The following SLC1A1 variants were observed in gnomAD, a reference collection of about 807,000 sequenced individuals.
SLC1A1 encodes excitatory amino acid transporter 3.
SLC1A1 carries 43 observed loss-of-function variants against 53.3 expected under a neutral mutation model. The ratio of observed to expected loss-of-function variants is 0.81; its 90% CI spans 0.63 to 1.04. The LOEUF (loss-of-function observed/expected upper bound fraction) is 1.04. SLC1A1 is among the 50% of genes least tolerant of loss of function. SLC1A1 has a pLI of 0.00. For synonymous variants in SLC1A1, 307 were observed against 243.2 expected, an observed-to-expected ratio of 1.26 and a Z score of -2.44; for missense variants, 748 against 664.9, an observed-to-expected ratio of 1.12 and a Z score of -1.37.
chr9:4,569,681 C>A (rs553894336), intron 6 of SLC1A1, among the ~76,000 whole-genome samples: 1 of 152,202 alleles, frequency 6.6e-6, no homozygotes, highest in African/African-American at 2.4e-5. Flanking sequence ...CTGCAGAAAG[C>A]CTTAACTCCT....
At chr9:4,524,502 G>C (rs1416100502) in intron 1 of SLC1A1, among the ~76,000 whole-genome samples, 1 of 152,194 alleles carries the variant, frequency 6.6e-6, no homozygotes, top group African/African-American at 2.4e-5. Flanking sequence ...CTGGTGCTAA[G>C]GTCTAGACCT....
intron 10 of SLC1A1, among the ~76,000 whole-genome samples, chr9:4,580,223 T>C (rs915495039): frequency 3.4e-5 from 5 of 146,342 alleles, no homozygotes; most frequent in Non-Finnish European, 7.5e-5. Flanking sequence ...AGAGTGAGAT[T>C]CCATCTCAAA....
At chr9:4,580,018 C>T (rs1047482448) in intron 10 of SLC1A1, among the ~76,000 whole-genome samples, 12 of 151,912 alleles carry the variant, frequency 7.9e-5, no homozygotes, top group African/African-American at 7.3e-5. Flanking sequence ...TCCAGGAGTT[C>T]GAGACAAGCC....
chr9:4,514,329 T>C (rs1197018509), intron 1 of SLC1A1, among the ~76,000 whole-genome samples: 1 of 152,144 alleles, frequency 6.6e-6, no homozygotes, highest in African/African-American at 2.4e-5. Flanking sequence ...GAGCAAAACC[T>C]TGAGTGGCCT....
Position 4,564,908 on chromosome 9 carries a change from A to G in SLC1A1, c.440+450A>G, listed in dbSNP as rs139804589. The stretch of plus-strand genomic sequence containing the variant: ...ACATTACAATTTTGTTTTCACTTAA[A>G]ACTTAGTGCATTTATTCACCAATTG... On this transcript the variant is annotated intron_variant, in intron 4 of 11. Coordinates refer to ENST00000262352, the MANE Select transcript of SLC1A1 (RefSeq NM_004170.6). Among the ~76,000 whole-genome samples the G allele has an allele frequency of 7.8e-3, 1,181 of 152,346 alleles. 14 individuals carry two copies. The highest frequency in any genetic ancestry group is 0.027 in the African/African-American group (1,117 of 41,586).
intron 11 of SLC1A1, 59 bp from the exon 12 acceptor site, chr9:4,585,253 C>T: frequency 6.2e-7 from 1 of 1,604,106 alleles, no homozygotes; most frequent in Non-Finnish European, 8.5e-7. Flanking sequence ...TGCATCTCTC[C>T]AGTGATGAAG....
At chr9:4,501,461 T>G (rs552489805) in intron 1 of SLC1A1, among the ~76,000 whole-genome samples, 4 of 151,682 alleles carry the variant, frequency 2.6e-5, no homozygotes, top group Non-Finnish European at 4.4e-5. Flanking sequence ...CACTTCCAGA[T>G]GTAGTTAAAA....
intron 2 of SLC1A1, among the ~76,000 whole-genome samples, chr9:4,545,289 G>T (rs925142655): frequency 6.8e-6 from 1 of 147,260 alleles, no homozygotes; most frequent in Non-Finnish European, 1.5e-5. Flanking sequence ...ACATGGCATT[G>T]CTTTGTCATA....
chr9:4,535,697 G>A (rs1816649659), intron 1 of SLC1A1, among the ~76,000 whole-genome samples: 1 of 151,876 alleles, frequency 6.6e-6, no homozygotes, highest in Admixed American at 6.6e-5. Context: ...TCACAGAATT[G>A]GAAAAAACTA....
At chr9:4,580,599 A>ATGTGTGTGTGTGTGTG (rs770759737) in intron 10 of SLC1A1, among the ~76,000 whole-genome samples, 3 of 51,050 alleles carry the variant, frequency 5.9e-5, no homozygotes, top group African/African-American at 8.2e-5. Context: ...AAAAAAATAT[A>ATGTGTGTGTGTGTGTG]TATGTGTGTG....
intron 5 of SLC1A1, among the ~76,000 whole-genome samples, chr9:4,566,878 T>C (rs1819540349): frequency 1.3e-5 from 2 of 152,142 alleles, no homozygotes. Flanking sequence ...CAAACTGCTG[T>C]ATTCATTCAC....
intron 4 of SLC1A1, among the ~76,000 whole-genome samples, chr9:4,565,578 T>A (rs1819406312): frequency 6.6e-6 from 1 of 152,140 alleles, no homozygotes; most frequent in South Asian, 2.1e-4. Context: ...GAGAACTCAC[T>A]CATGATCATG....
At chr9:4,532,951 T>C (rs1816531391) in intron 1 of SLC1A1, among the ~76,000 whole-genome samples, 1 of 152,130 alleles carries the variant, frequency 6.6e-6, no homozygotes, top group Admixed American at 6.5e-5. Flanking sequence ...GAATTTCATA[T>C]CCAGCCAAAC....
chr9:4,491,263 G>T (rs1225450898), intron 1 of SLC1A1, among the ~76,000 whole-genome samples: 6 of 152,202 alleles, frequency 3.9e-5, no homozygotes, highest in African/African-American at 1.4e-4. Context: ...TTAGGGGAGG[G>T]AGGCTGAGAA....
chr9:4,505,954 G>A (rs1047950784), intron 1 of SLC1A1, among the ~76,000 whole-genome samples: 14 of 152,208 alleles, frequency 9.2e-5, no homozygotes, highest in Non-Finnish European at 1.9e-4. Flanking sequence ...TTCCCAAGTA[G>A]CTGGGATTAC....
chr9:4,521,880 T>G (rs917551501), intron 1 of SLC1A1, among the ~76,000 whole-genome samples: 24 of 152,110 alleles, frequency 1.6e-4, no homozygotes, highest in Admixed American at 3.3e-4. Context: ...GCATGTTGAT[T>G]GAACCATACC....
chr9:4,581,533 A>C (rs1319595763), intron 10 of SLC1A1, among the ~76,000 whole-genome samples: 1 of 152,250 alleles, frequency 6.6e-6, no homozygotes, highest in Non-Finnish European at 1.5e-5. Flanking sequence ...CTATAGAGAC[A>C]TGGATTACTG....
chr9:4,492,104 C>G (rs915064346), intron 1 of SLC1A1, among the ~76,000 whole-genome samples: 1 of 151,974 alleles, frequency 6.6e-6, no homozygotes, highest in Non-Finnish European at 1.5e-5. Flanking sequence ...AGTACAGAAG[C>G]AAATCTTGAC....
intron 1 of SLC1A1, among the ~76,000 whole-genome samples, chr9:4,523,137 C>T (rs1232831520): frequency 6.6e-6 from 1 of 152,138 alleles, no homozygotes; most frequent in Non-Finnish European, 1.5e-5. Flanking sequence ...TGTTCAGTAC[C>T]CCGCTGTGAC....
Sources: gnomAD v4.1 joint callset for allele counts (sites outside exome capture counted in the v4.1 genomes callset) on GRCh38, gnomAD v4.1.1 for gene constraint, MANE v1.5 for transcripts, NCBI Gene and HGNC (gene_info 2026-07-23, HGNC 2026-07-21) for gene names.